The following FOXP1 variants were observed in gnomAD, a reference collection of about 807,000 sequenced individuals.
FOXP1 encodes forkhead box P1.
FOXP1 carries 15 observed loss-of-function variants against 98.2 expected under a neutral mutation model. That is an observed-to-expected ratio of 0.15 (90% CI 0.10 to 0.24). The LOEUF is 0.24. Among genes scored for constraint, FOXP1 ranks in the 10% least tolerant of loss-of-function variants. The pLI is 1.00. For missense variants in FOXP1, 633 were observed against 848.5 expected (o/e 0.75, Z 3.15); for synonymous variants, 371 against 314.5 (o/e 1.18, Z -1.90).
intron 4 of FOXP1, among the ~76,000 whole-genome samples, chr3:71,317,997 C>T (rs1234333068): frequency 6.6e-6 from 1 of 151,568 alleles, no homozygotes; most frequent in Non-Finnish European, 1.5e-5. Flanking sequence ...GTGGCTTTAG[C>T]CATAGTTAGA....
chr3:71,504,118 T>A (rs1325821005), intron 2 of FOXP1, among the ~76,000 whole-genome samples: 1 of 152,136 alleles, frequency 6.6e-6, no homozygotes, highest in South Asian at 2.1e-4. Context: ...TCTTATAAAA[T>A]GAAGGCATTT....
chr3:71,386,527 C>T (rs1326686946), intron 3 of FOXP1, among the ~76,000 whole-genome samples: 3 of 152,010 alleles, frequency 2.0e-5, no homozygotes, highest in African/African-American at 7.3e-5. Flanking sequence ...CAGATCACGA[C>T]CTCAAAAGAT....
intron 4 of FOXP1, among the ~76,000 whole-genome samples, chr3:71,357,617 G>C (rs2078252984): frequency 6.6e-6 from 1 of 152,110 alleles, no homozygotes; most frequent in African/African-American, 2.4e-5. Flanking sequence ...TTACAGTTAG[G>C]GGTGGCTAAT....
intron 2 of FOXP1, among the ~76,000 whole-genome samples, chr3:71,536,895 T>C (rs1032451714): frequency 6.6e-6 from 1 of 152,082 alleles, no homozygotes; most frequent in East Asian, 1.9e-4. Context: ...TGGCAACACA[T>C]GTGCAGAATA....
intron 3 of FOXP1, among the ~76,000 whole-genome samples, chr3:71,469,924 G>A (rs1282256308): frequency 2.6e-5 from 4 of 152,102 alleles, no homozygotes; most frequent in Non-Finnish European, 5.9e-5. Context: ...GCAGCATCCT[G>A]TCTGTAGGAC....
chr3:70,970,070 C>T (rs935508333), intron 19 of FOXP1: 1 of 152,338 alleles, frequency 6.6e-6, no homozygotes, highest in Non-Finnish European at 1.5e-5. Context: ...GGTAATCTCG[C>T]TCCTGCTCAA....
At chr3:71,503,637 T>C (rs955167564) in intron 2 of FOXP1, among the ~76,000 whole-genome samples, 3 of 142,622 alleles carry the variant, frequency 2.1e-5, no homozygotes, top group African/African-American at 7.8e-5. Flanking sequence ...CGAATTAAGG[T>C]TGTAGCACCA....
At chr3:71,165,264 A>AT in intron 6 of FOXP1, among the ~76,000 whole-genome samples, 1 of 151,894 alleles carries the variant, frequency 6.6e-6, no homozygotes, top group East Asian at 1.9e-4. Flanking sequence ...AAAAAAAAAA[A>AT]AAATCAAAAC....
At chr3:71,363,097 T>C in intron 3 of FOXP1, among the ~76,000 whole-genome samples, 1 of 152,144 alleles carries the variant, frequency 6.6e-6, no homozygotes, top group East Asian at 1.9e-4. Context: ...CCTAAAATAT[T>C]CATATAATCA....
At chr3:71,554,685 T>C (rs537894648) in intron 2 of FOXP1, among the ~76,000 whole-genome samples, 5 of 152,226 alleles carry the variant, frequency 3.3e-5, no homozygotes, top group Non-Finnish European at 7.3e-5. Flanking sequence ...AATCCTCTTT[T>C]TGAATGTGTT....
In FOXP1 at chr3:71,556,665, C is replaced by CT. The variant is rs557870209; in HGVS notation, c.-298+24883dup. Among the ~76,000 whole-genome samples the CT allele has an allele frequency of 8.5e-3, 1,161 of 136,712 alleles. 14 individuals carry two copies. The highest frequency in any genetic ancestry group is 0.028 in the African/African-American group (1,046 of 37,144). 89.7% of individuals were successfully genotyped at this position (136,712 alleles called of 152,430 possible). On this transcript the variant is annotated intron_variant, in intron 2 of 20. Transcript: ENST00000649528. ...GCAATGAAGTGGAAACTGCCATAGT[C>CT]TTTTTTTTTTTTAAGGTTTTATTGT...
intron 2 of FOXP1, among the ~76,000 whole-genome samples, chr3:71,511,710 T>C (rs1402284984): frequency 6.6e-6 from 1 of 152,222 alleles, no homozygotes; most frequent in Non-Finnish European, 1.5e-5. Context: ...TACATAATGA[T>C]CACTTATAGC....
chr3:71,318,937 T>C (rs1315561066), intron 4 of FOXP1, among the ~76,000 whole-genome samples: 1 of 152,146 alleles, frequency 6.6e-6, no homozygotes, highest in Admixed American at 6.5e-5. Flanking sequence ...TAAAGATGTG[T>C]TCCATTAGGA....
At chr3:71,126,871 C>CAAAAAAAAAAAAAAAAAAAAAAA (rs1230464030) in intron 6 of FOXP1, among the ~76,000 whole-genome samples, 2 of 77,162 alleles carry the variant, frequency 2.6e-5, no homozygotes, top group African/African-American at 9.5e-5. Flanking sequence ...AAAAAACAAA[C>CAAAAAAAAAAAAAAAAAAAAAAA]AAAAAAAAAA....
chr3:71,105,445 C>G (rs1313229193), intron 7 of FOXP1, among the ~76,000 whole-genome samples: 1 of 152,162 alleles, frequency 6.6e-6, no homozygotes, highest in Admixed American at 6.5e-5. Flanking sequence ...GACTCCAACC[C>G]TAGCATTTTA....
At chr3:71,012,582 A>G (rs2043810188) in intron 12 of FOXP1, among the ~76,000 whole-genome samples, 1 of 152,212 alleles carries the variant, frequency 6.6e-6, no homozygotes, top group African/African-American at 2.4e-5. Context: ...TATGAAATAG[A>G]TTCACAGGCT....
chr3:71,075,496 C>T (rs1018471260), intron 7 of FOXP1, among the ~76,000 whole-genome samples: 17 of 152,286 alleles, frequency 1.1e-4, no homozygotes, highest in Admixed American at 4.6e-4. Flanking sequence ...AACTCAGCAG[C>T]GGCAGATCCT....
chr3:71,064,894 G>T (rs1322637201), intron 7 of FOXP1: 29 of 834,842 alleles, frequency 3.5e-5, no homozygotes, highest in Non-Finnish European at 4.2e-5. Flanking sequence ...CGGGCGTGGG[G>T]TCCGGCGGCC....
Position 70,956,348 on chromosome 3 carries a change from AT to A in FOXP1, c.*2898del, listed in dbSNP as rs746029702. ...AGTTTGCTTGCTGTAAAGCCTGAGA[AT>A]TTTTTTTTCAGTTGGTTCTTCTGCA... On this transcript the variant is annotated 3_prime_UTR_variant, in exon 21 of 21. Coordinates refer to ENST00000649528, the MANE Select transcript of FOXP1 (RefSeq NM_001349338.3). The A allele has an allele frequency of 2.2e-5, 5 of 229,492 alleles. No individual in the cohort carries two copies. The highest frequency in any genetic ancestry group is 4.5e-5 in the African/African-American group (2 of 44,694). 14.2% of individuals were successfully genotyped at this position (229,492 alleles called of 1,614,324 possible).
Sources: allele counts gnomAD v4.1 joint callset (sites outside exome capture counted in the v4.1 genomes callset), GRCh38; gene constraint gnomAD v4.1.1; transcripts MANE v1.5; gene names NCBI Gene and HGNC (gene_info 2026-07-23, HGNC 2026-07-21).